Variants in PDLIM5 observed in about 807,000 individuals in gnomAD.
PDLIM5 encodes the protein PDZ and LIM domain protein 5.
PDLIM5 carries 34 observed loss-of-function variants against 64.2 expected under a neutral mutation model. The observed-to-expected ratio is 0.53, with a 90% CI of 0.40 to 0.71. The LOEUF is 0.71. PDLIM5 is among the 30% of genes least tolerant of loss of function. The probability of loss-of-function intolerance (pLI) is 0.00; values close to 1 mark genes in which losing one functional copy is unlikely to be tolerated. For missense variants in PDLIM5, 683 were observed against 733.6 expected (o/e 0.93, Z 0.80); for synonymous variants, 253 against 269.1 (o/e 0.94, Z 0.59).
intron 4 of PDLIM5, 123 bp downstream of exon 4, chr4:94,573,516 T>C: frequency 1.2e-6 from 1 of 848,758 alleles, no homozygotes; most frequent in Non-Finnish European, 2.0e-6. Context: ...ACAATTTTCC[T>C]TGTAGTTCTT....
rs750640887 is a variant in PDLIM5 at position 94,657,472 on chromosome 4, G to C, written c.1510G>C (p.Val504Leu). The change falls in exon 11 of 13, where the codon GTG becomes CTG. Residue 504 changes from valine (V) to leucine (L), a missense_variant. Val to Leu is a conservative substitution (Grantham distance 32, BLOSUM62 1). Transcript: ENST00000317968. ...LKQTWHVSCF[V>L]CVACGKPIRN... ...ACAAACTTGGCATGTTTCCTGTTTTGTGTGTGTAGCCTGTGGAAAGCCCAT... is the reference window on the plus strand; with the variant it reads ...ACAAACTTGGCATGTTTCCTGTTTTCTGTGTGTAGCCTGTGGAAAGCCCAT... The C allele has an allele frequency of 6.2e-7, 1 of 1,605,802 alleles. No homozygotes were observed. The highest frequency in any genetic ancestry group is 8.5e-7 in the Non-Finnish European group (1 of 1,172,642).
intron 3 of PDLIM5, among the ~76,000 whole-genome samples, chr4:94,572,721 A>G (rs1734913160): frequency 6.6e-6 from 1 of 152,222 alleles, no homozygotes; most frequent in Non-Finnish European, 1.5e-5. Context: ...GCTGATACAG[A>G]CACAGATGGG....
At chr4:94,642,080 A>T (rs1741043534) in intron 9 of PDLIM5, among the ~76,000 whole-genome samples, 1 of 152,212 alleles carries the variant, frequency 6.6e-6, no homozygotes, top group South Asian at 2.1e-4. Context: ...TTGGTTTAAT[A>T]TCGATAAAAT....
At chr4:94,591,122 A>T (rs1001170814) in intron 7 of PDLIM5, among the ~76,000 whole-genome samples, 1 of 152,236 alleles carries the variant, frequency 6.6e-6, no homozygotes, top group African/African-American at 2.4e-5. Flanking sequence ...TACATTTGAC[A>T]TATGATGCTC....
At chr4:94,587,283 C>CAAAA in intron 7 of PDLIM5, 3 of 1,083,788 alleles carry the variant, frequency 2.8e-6, no homozygotes, top group Non-Finnish European at 2.3e-6. Context: ...AATGTAAAAC[C>CAAAA]AAAAAAAAAA....
intron 8 of PDLIM5, among the ~76,000 whole-genome samples, chr4:94,631,379 A>G (rs1016399125): frequency 1.3e-5 from 2 of 152,226 alleles, no homozygotes; most frequent in Non-Finnish European, 2.9e-5. Flanking sequence ...TAAGAAACTC[A>G]TATTTTACAG....
chr4:94,484,067 C>A (rs772144661), intron 2 of PDLIM5, among the ~76,000 whole-genome samples: 2 of 152,136 alleles, frequency 1.3e-5, no homozygotes, highest in Non-Finnish European at 2.9e-5. Context: ...ACATTCTGTG[C>A]AAAGTATGGT....
At chr4:94,660,976 C>T (rs13130496) in intron 11 of PDLIM5, among the ~76,000 whole-genome samples, 54,091 of 151,864 alleles carry the variant, frequency 0.36, 10,699 homozygotes, top group South Asian at 0.59. Flanking sequence ...CCCAACTGCT[C>T]GGGAGACTGA....
At chr4:94,588,224 A>T in intron 7 of PDLIM5, 3 of 949,362 alleles carry the variant, frequency 3.2e-6, no homozygotes, top group Non-Finnish European at 2.5e-6. Context: ...CTGACATTTC[A>T]TTTGGAAATC....
At chr4:94,479,305 A>T in intron 2 of PDLIM5, among the ~76,000 whole-genome samples, 1 of 146,716 alleles carries the variant, frequency 6.8e-6, no homozygotes, top group African/African-American at 2.5e-5. Context: ...CGCTTTTAGG[A>T]ATTTTTATAA....
intron 2 of PDLIM5, among the ~76,000 whole-genome samples, chr4:94,479,330 CT>C (rs34176254): frequency 3.4e-4 from 45 of 130,906 alleles, no homozygotes; most frequent in Non-Finnish European, 4.2e-4. Flanking sequence ...AGCTTTGAGA[CT>C]TTTTTTTTTT....
rs375690318 is a variant in PDLIM5, at chr4:94,619,605, A to T, written c.1108+1414A>T. ...CAGTGAGCCAAGATCACGCCACTGCACTCCAGCCTGGGCGACAGAGCGAGA... is the reference window on the plus strand; with the variant it reads ...CAGTGAGCCAAGATCACGCCACTGCTCTCCAGCCTGGGCGACAGAGCGAGA... On this transcript the variant is annotated intron_variant, in intron 8 of 12. Coordinates refer to ENST00000317968, the MANE Select transcript of PDLIM5 (RefSeq NM_006457.5). Among the ~76,000 whole-genome samples, 52 of 151,068 alleles carry T rather than the reference A, an allele frequency of 3.4e-4. No homozygotes were observed. The Middle Eastern group carries it at 0.01, about 30-fold the overall frequency.
intron 2 of PDLIM5, among the ~76,000 whole-genome samples, chr4:94,465,994 C>T (rs542349919): frequency 6.6e-6 from 1 of 151,626 alleles, no homozygotes; most frequent in Non-Finnish European, 1.5e-5. Context: ...CAGGGTCTTG[C>T]TCTGTGGCAT....
chr4:94,523,916 T>C (rs1188077096), intron 3 of PDLIM5, 41 bp downstream of exon 3: 1 of 1,516,686 alleles, frequency 6.6e-7, no homozygotes, highest in Non-Finnish European at 9.1e-7. Flanking sequence ...GAAAACAACA[T>C]TGAGGAATGT....
intron 8 of PDLIM5, among the ~76,000 whole-genome samples, chr4:94,632,054 G>A (rs1272007547): frequency 6.6e-6 from 1 of 152,230 alleles, no homozygotes; most frequent in South Asian, 2.1e-4. Context: ...CACGCATAGC[G>A]TAGCGCCTGC....
intron 7 of PDLIM5, chr4:94,608,058 GGTTTGACAGT>G: frequency 1.3e-6 from 2 of 1,526,950 alleles, no homozygotes; most frequent in Non-Finnish European, 8.8e-7. Flanking sequence ...TGAAAACTTA[GGTTTGACAGT>G]GCTCTGGAAG....
intron 2 of PDLIM5, among the ~76,000 whole-genome samples, chr4:94,472,350 A>G (rs1724957732): frequency 6.6e-6 from 1 of 152,156 alleles, no homozygotes; most frequent in Admixed American, 6.5e-5. Flanking sequence ...AGTACCTCCA[A>G]TTAGACATTC....
intron 7 of PDLIM5, among the ~76,000 whole-genome samples, chr4:94,612,500 G>C (rs949934550): frequency 6.6e-6 from 1 of 152,138 alleles, no homozygotes; most frequent in Non-Finnish European, 1.5e-5. Flanking sequence ...TTAGGACCCG[G>C]TAAGAGCTAT....
Position 94,643,018 on chromosome 4 carries a change from A to G in PDLIM5, c.1283+2568A>G, listed in dbSNP as rs541769501. Reference sequence around the variant, plus strand: ...TCGAATTTGCCAAAAACCATTTTTTATGTAAAGGCAAACTAAAGCACATTT... The same window carrying G: ...TCGAATTTGCCAAAAACCATTTTTTGTGTAAAGGCAAACTAAAGCACATTT... On this transcript the variant is annotated intron_variant, in intron 9 of 12. Transcript: ENST00000317968. 3.7e-4 allele frequency among the ~76,000 whole-genome samples: 56 copies of G among 152,260 alleles called. No individual in the cohort carries two copies. In the South Asian group the frequency reaches 0.012, roughly 32 times the overall value.
Sources: allele counts gnomAD v4.1 joint callset (sites outside exome capture counted in the v4.1 genomes callset), GRCh38; gene constraint gnomAD v4.1.1; transcripts MANE v1.5; gene names NCBI Gene and HGNC (gene_info 2026-07-23, HGNC 2026-07-21).